The following DPP10 variants were observed in gnomAD, a reference collection of about 807,000 sequenced individuals.
The protein encoded by DPP10 is inactive dipeptidyl peptidase 10.
In DPP10, 33 loss-of-function variants were observed where a neutral mutation model predicts 120.9. That is an observed-to-expected ratio of 0.27 (90% CI 0.21 to 0.37). The LOEUF (loss-of-function observed/expected upper bound fraction) is 0.37, where lower values mean the gene tolerates loss of function less well. DPP10 is among the 10% of genes least tolerant of loss of function. The pLI, the probability that DPP10 is intolerant of heterozygous loss-of-function variation, is 1.00. For synonymous variants in DPP10, 337 were observed against 326.1 expected, an observed-to-expected ratio of 1.03 and a Z score of -0.36; for missense variants, 816 against 942.8, an observed-to-expected ratio of 0.87 and a Z score of 1.76.
At chr2:114,514,336 A>G (rs2104603570) in intron 1 of DPP10, among the ~76,000 whole-genome samples, 1 of 152,328 alleles carries the variant, frequency 6.6e-6, no homozygotes, top group South Asian at 2.1e-4. Flanking sequence ...TTAAGTGATT[A>G]GAAGCAAATC....
At chr2:115,377,752 G>A (rs1268239957) in intron 3 of DPP10, among the ~76,000 whole-genome samples, 8 of 151,868 alleles carry the variant, frequency 5.3e-5, no homozygotes, top group Non-Finnish European at 1.0e-4. Context: ...AAGGGATCCA[G>A]TTTCAGCTTT....
chr2:115,211,541 T>G (rs1478105834), intron 1 of DPP10, among the ~76,000 whole-genome samples: 1 of 152,178 alleles, frequency 6.6e-6, no homozygotes, highest in Non-Finnish European at 1.5e-5. Flanking sequence ...GCCTATTGAA[T>G]TGTATTATTG....
At chr2:115,599,942 G>A (rs1047787710) in intron 5 of DPP10, among the ~76,000 whole-genome samples, 2 of 152,008 alleles carry the variant, frequency 1.3e-5, no homozygotes, top group African/African-American at 4.8e-5. Flanking sequence ...TGGTCAACCA[G>A]GAACTTACCT....
rs2148896787 is a variant in DPP10, at chr2:115,525,749, AC to A, written c.367-148del. On this transcript the variant is annotated intron_variant, in intron 4 of 25. Transcript: ENST00000410059. ...TTTTTATATTCATCTGAATAATCAT[AC>A]ATACATACATGCAAATATGTATACA... 3.6e-5 allele frequency: 21 copies of A among 590,244 alleles called. No individual in the cohort carries two copies. The South Asian group carries it at 4.2e-4, about 12-fold the overall frequency. 36.6% of individuals were successfully genotyped at this position (590,244 alleles called of 1,614,324 possible). A position where few individuals can be genotyped will look rare whatever the true frequency, so the allele number is the denominator to read the frequency against.
chr2:115,332,601 T>G (rs4640396), intron 2 of DPP10, among the ~76,000 whole-genome samples: 133,937 of 152,096 alleles, frequency 0.88, 59,053 homozygotes, highest in Non-Finnish European at 0.9. Context: ...TTTAAATGTG[T>G]CCCAGAGATT....
At chr2:115,681,553 T>A (rs2090651635) in intron 5 of DPP10, among the ~76,000 whole-genome samples, 1 of 151,858 alleles carries the variant, frequency 6.6e-6, no homozygotes, top group Non-Finnish European at 1.5e-5. Context: ...TCTCTTGGGC[T>A]TAGCCTCAGG....
intron 1 of DPP10, among the ~76,000 whole-genome samples, chr2:115,052,772 C>T (rs145890240): frequency 0.047 from 7,112 of 151,906 alleles, 256 homozygotes; most frequent in East Asian, 0.17. Context: ...GCCAAAATGG[C>T]GAAACCCCGT....
chr2:115,415,546 G>T (rs894504233), intron 3 of DPP10, among the ~76,000 whole-genome samples: 2 of 152,082 alleles, frequency 1.3e-5, no homozygotes. Context: ...AATGCCAAAA[G>T]TTGGATACGG....
chr2:115,455,117 A>C (rs1027059347), intron 3 of DPP10, among the ~76,000 whole-genome samples: 3 of 151,784 alleles, frequency 2.0e-5, no homozygotes, highest in African/African-American at 7.2e-5. Context: ...AGATTAAAAA[A>C]TCTGTGTTAA....
At chr2:115,358,685 C>T (rs72957749) in intron 3 of DPP10, among the ~76,000 whole-genome samples, 6 of 152,134 alleles carry the variant, frequency 3.9e-5, no homozygotes, top group East Asian at 1.9e-4. Flanking sequence ...TCTGTTCTCA[C>T]GCTGCTATGA....
At chr2:114,903,541 G>A (rs1016949697) in intron 1 of DPP10, among the ~76,000 whole-genome samples, 8 of 152,106 alleles carry the variant, frequency 5.3e-5, no homozygotes, top group Admixed American at 2.6e-4. Context: ...ATATGATGGG[G>A]AGAAGAGATT....
intron 5 of DPP10, among the ~76,000 whole-genome samples, chr2:115,625,646 T>G (rs1348643350): frequency 6.6e-6 from 1 of 152,138 alleles, no homozygotes; most frequent in Admixed American, 6.6e-5. Flanking sequence ...AAAACTAGCT[T>G]TGACATTTTT....
At chr2:115,212,196 A>T (rs1373852377) in intron 1 of DPP10, among the ~76,000 whole-genome samples, 1 of 152,184 alleles carries the variant, frequency 6.6e-6, no homozygotes, top group Non-Finnish European at 1.5e-5. Context: ...TTAGTGCTTT[A>T]GAGAACATGC....
chr2:115,003,176 T>A (rs79493339), intron 1 of DPP10, among the ~76,000 whole-genome samples: 117 of 134,288 alleles, frequency 8.7e-4, no homozygotes, highest in Non-Finnish European at 1.1e-3. Context: ...TATGTAGCTA[T>A]AAAAAAAAAA....
chr2:114,895,034 C>CA (rs1692851756), intron 1 of DPP10, among the ~76,000 whole-genome samples: 2 of 151,968 alleles, frequency 1.3e-5, no homozygotes, highest in South Asian at 2.1e-4. Context: ...TTCTCATCTA[C>CA]AAAAAGAGAT....
intron 1 of DPP10, among the ~76,000 whole-genome samples, chr2:115,229,689 CCTATTCTATTCTATT>C (rs58625775): frequency 0.035 from 4,864 of 139,782 alleles, 98 homozygotes; most frequent in East Asian, 0.055. Context: ...TCTGAGTTCT[CCTATTCTATTCTATT>C]CTATTCTATT....
At chr2:115,794,503 G>A (rs1406466687) in intron 19 of DPP10, among the ~76,000 whole-genome samples, 1 of 152,078 alleles carries the variant, frequency 6.6e-6, no homozygotes, top group African/African-American at 2.4e-5. Flanking sequence ...AAAGATCAAT[G>A]TCAATGTCAC....
intron 1 of DPP10, among the ~76,000 whole-genome samples, chr2:114,696,040 C>G (rs774371816): frequency 1.3e-5 from 2 of 151,866 alleles, no homozygotes; most frequent in African/African-American, 4.8e-5. Context: ...CTTTACAAAC[C>G]AAGAACAATA....
At chr2:115,195,490 C>A (rs914615503) in intron 1 of DPP10, among the ~76,000 whole-genome samples, 1 of 152,188 alleles carries the variant, frequency 6.6e-6, no homozygotes, top group Non-Finnish European at 1.5e-5. Context: ...CAGCTATTCT[C>A]TTCTGCAGAC....
Sources: allele counts gnomAD v4.1 joint callset (sites outside exome capture counted in the v4.1 genomes callset), GRCh38; gene constraint gnomAD v4.1.1; transcripts MANE v1.5; gene names NCBI Gene and HGNC (gene_info 2026-07-23, HGNC 2026-07-21).